Variants in SLC2A13 observed in about 807,000 individuals in gnomAD.
SLC2A13 encodes proton myo-inositol cotransporter.
Under a neutral mutation model 64.4 loss-of-function variants are expected in SLC2A13, and 32 were observed. The ratio of observed to expected loss-of-function variants is 0.50; its 90% CI spans 0.37 to 0.67. The LOEUF (loss-of-function observed/expected upper bound fraction) is 0.67. SLC2A13 is among the 30% of genes least tolerant of loss of function. The probability of loss-of-function intolerance (pLI) is 0.00; values close to 1 mark genes in which losing one functional copy is unlikely to be tolerated. For missense variants in SLC2A13, 743 were observed against 829.2 expected (o/e 0.90, Z 1.28); for synonymous variants, 338 against 327.1 (o/e 1.03, Z -0.36).
chr12:40,044,489 AGTT>A (rs1397920856), intron 2 of SLC2A13, among the ~76,000 whole-genome samples: 1 of 152,192 alleles, frequency 6.6e-6, no homozygotes, highest in Non-Finnish European at 1.5e-5. Context: ...ATCTCAATAA[AGTT>A]GTTTTTATTA....
At chr12:39,880,319 C>T (rs942378412) in intron 4 of SLC2A13, among the ~76,000 whole-genome samples, 4 of 152,110 alleles carry the variant, frequency 2.6e-5, no homozygotes, top group Non-Finnish European at 5.9e-5. Flanking sequence ...AAATGTTTTA[C>T]TCAAGATACA....
At chr12:39,840,024 CT>C (rs766180389) in intron 6 of SLC2A13, among the ~76,000 whole-genome samples, 2 of 151,212 alleles carry the variant, frequency 1.3e-5, no homozygotes, top group South Asian at 2.1e-4. Context: ...ACTCTCCATT[CT>C]TTTTTTTTGT....
At chr12:40,054,981 TA>T (rs2136244643) in intron 1 of SLC2A13, among the ~76,000 whole-genome samples, 1 of 152,332 alleles carries the variant, frequency 6.6e-6, no homozygotes, top group East Asian at 1.9e-4. Flanking sequence ...TTATCATCTC[TA>T]AAGAAATACT....
chr12:40,079,834 A>C (rs1938326756), intron 1 of SLC2A13, among the ~76,000 whole-genome samples: 2 of 152,126 alleles, frequency 1.3e-5, no homozygotes, highest in South Asian at 4.1e-4. Flanking sequence ...ATTTAGTTGA[A>C]CCATTTATCA....
intron 1 of SLC2A13, among the ~76,000 whole-genome samples, chr12:40,072,599 C>T (rs1485832210): frequency 6.6e-6 from 1 of 152,134 alleles, no homozygotes; most frequent in Non-Finnish European, 1.5e-5. Flanking sequence ...AATTGGAGAA[C>T]TAACACTTTT....
chr12:39,825,808 C>T (rs1298792727), intron 7 of SLC2A13, among the ~76,000 whole-genome samples: 2 of 151,984 alleles, frequency 1.3e-5, no homozygotes, highest in Admixed American at 6.6e-5. Context: ...TTGCACTTCC[C>T]ATCCTCTGCT....
intron 7 of SLC2A13, chr12:39,788,557 T>C (rs1941271468): frequency 1.3e-5 from 2 of 152,132 alleles, no homozygotes; most frequent in Non-Finnish European, 2.9e-5. Flanking sequence ...AAATTGCCCG[T>C]TTAATATTTT....
chr12:40,050,164 T>G (rs1948232346), intron 1 of SLC2A13, among the ~76,000 whole-genome samples: 2 of 152,228 alleles, frequency 1.3e-5, no homozygotes, highest in South Asian at 4.1e-4. Context: ...TCTTTTACTA[T>G]TAGAACATCT....
intron 7 of SLC2A13, among the ~76,000 whole-genome samples, chr12:39,765,324 A>T (rs888274417): frequency 6.6e-6 from 1 of 151,972 alleles, no homozygotes; most frequent in Non-Finnish European, 1.5e-5. Context: ...GAGGGAAACA[A>T]ATGATTCTAT....
chr12:39,939,321 A>G (rs1439386411), intron 4 of SLC2A13, among the ~76,000 whole-genome samples: 1 of 152,206 alleles, frequency 6.6e-6, no homozygotes, highest in East Asian at 1.9e-4. Flanking sequence ...GATTAGAAAC[A>G]TTCTGATAGC....
intron 3 of SLC2A13, among the ~76,000 whole-genome samples, chr12:40,015,840 T>C (rs535985633): frequency 1.3e-5 from 2 of 152,306 alleles, no homozygotes; most frequent in Admixed American, 1.3e-4. Context: ...GTTTTTCTCA[T>C]CTCTAAAAGA....
In SLC2A13 at chr12:40,104,756, C is replaced by T. The variant is rs75815039; in HGVS notation, c.556+497G>A. ...GGTCGCTAATAAACCTTTCAGAGTC[C>T]AGAATTACTTAACTCTAAATATTAT... On this transcript the variant is annotated intron_variant, in intron 1 of 9. Transcript: ENST00000280871. Among the ~76,000 whole-genome samples the T allele has an allele frequency of 7.2e-5, 11 of 152,232 alleles. No individual in the cohort carries two copies. In the East Asian group the frequency reaches 2.1e-3, roughly 29 times the overall value.
chr12:39,901,527 C>T (rs1945109208), intron 4 of SLC2A13, among the ~76,000 whole-genome samples: 1 of 133,696 alleles, frequency 7.5e-6, no homozygotes, highest in African/African-American at 2.8e-5. Flanking sequence ...AAAAAGTGGG[C>T]AAAGGACATG....
chr12:39,799,537 G>A (rs181264776), intron 7 of SLC2A13, among the ~76,000 whole-genome samples: 20 of 151,914 alleles, frequency 1.3e-4, no homozygotes, highest in African/African-American at 4.8e-4. Flanking sequence ...GCAGAGTAGA[G>A]TAAATCAAAT....
intron 3 of SLC2A13, among the ~76,000 whole-genome samples, chr12:39,963,736 C>T (rs1396170993): frequency 6.6e-6 from 1 of 152,244 alleles, no homozygotes; most frequent in East Asian, 1.9e-4. Flanking sequence ...GTTAAAGAAA[C>T]TGTATTTGTA....
chr12:39,907,383 G>T (rs1945316387), intron 4 of SLC2A13, among the ~76,000 whole-genome samples: 1 of 151,938 alleles, frequency 6.6e-6, no homozygotes, highest in African/African-American at 2.4e-5. Context: ...AATATTTTTT[G>T]AGTTTACAAG....
Position 40,105,796 on chromosome 12 carries a change from C to A in SLC2A13, c.13G>T (p.Ala5Ser). The A allele has an allele frequency of 1.4e-6, 2 of 1,481,074 alleles. No homozygotes were observed. The highest frequency in any genetic ancestry group is 1.3e-5 in the South Asian group (1 of 77,112). The allele number at this position is 1,481,074 out of a possible 1,614,324, so 91.7% of individuals were successfully genotyped here. ...AGCGTGTACTCCACATTCTCGCTTG[C>A]CTTGCGGGACATAGGGCAGGGGCCC... Reference protein sequence around the residue: MSRKASENVEYTLRS... With the variant: MSRKSSENVEYTLRS... The change falls in exon 1 of 10, where the codon GCA (alanine) becomes TCA (serine). Residue 5 changes from alanine (A) to serine (S), a missense_variant. Ala to Ser is a moderately conservative substitution (Grantham distance 99). Transcript: ENST00000280871. The surrounding 1 kb of genome is among the most constrained non-coding windows in gnomAD (Gnocchi z 4.2).
At chr12:39,866,568 C>T (rs1943917094) in intron 5 of SLC2A13, among the ~76,000 whole-genome samples, 1 of 152,074 alleles carries the variant, frequency 6.6e-6, no homozygotes, top group Non-Finnish European at 1.5e-5. Context: ...AGGCTCCGCC[C>T]CCCGGGGTTC....
intron 1 of SLC2A13, among the ~76,000 whole-genome samples, chr12:40,079,199 T>C (rs1938298048): frequency 6.6e-6 from 1 of 152,216 alleles, no homozygotes; most frequent in Non-Finnish European, 1.5e-5. Flanking sequence ...TTCTAGTTCC[T>C]CTAGGTGTGA....
Sources: gnomAD v4.1 joint callset for allele counts (sites outside exome capture counted in the v4.1 genomes callset) on GRCh38, gnomAD v4.1.1 for gene constraint, Gnocchi (gnomAD v3.1) non-coding constraint, MANE v1.5 for transcripts, NCBI Gene and HGNC (gene_info 2026-07-23, HGNC 2026-07-21) for gene names.